KIAA1328: variants seen among roughly 807,000 people sequenced by gnomAD.
The protein encoded by KIAA1328 is KIAA1328.
In KIAA1328, 52 loss-of-function variants were observed where a neutral mutation model predicts 68.1. The observed-to-expected ratio is 0.76, with a 90% CI of 0.61 to 0.96. The LOEUF (loss-of-function observed/expected upper bound fraction) is 0.96. KIAA1328 is among the 40% of genes least tolerant of loss of function. KIAA1328 has a pLI of 0.00. For synonymous variants in KIAA1328, 232 were observed against 239.4 expected (o/e 0.97, Z 0.28); for missense variants, 641 against 677.6 (o/e 0.95, Z 0.60).
intron 6 of KIAA1328, among the ~76,000 whole-genome samples, chr18:37,026,267 A>T (rs553651660): frequency 6.6e-6 from 1 of 152,310 alleles, no homozygotes; most frequent in African/African-American, 2.4e-5. Context: ...GACCAGATGG[A>T]TTCACAGCCA....
chr18:37,074,617 T>A (rs577270716), intron 7 of KIAA1328: 1 of 152,294 alleles, frequency 6.6e-6, no homozygotes, highest in Non-Finnish European at 1.5e-5. Flanking sequence ...GTTCACGTAG[T>A]TCTTGAGTCT....
At chr18:37,185,204 G>A (rs2059773181) in intron 9 of KIAA1328, among the ~76,000 whole-genome samples, 1 of 151,862 alleles carries the variant, frequency 6.6e-6, no homozygotes, top group Non-Finnish European at 1.5e-5. Context: ...GTGCTGGTCA[G>A]TAGTTTAGAG....
intron 8 of KIAA1328, among the ~76,000 whole-genome samples, chr18:37,162,233 T>G (rs533459450): frequency 6.6e-6 from 1 of 152,130 alleles, no homozygotes; most frequent in South Asian, 2.1e-4. Context: ...CCATTAGGTT[T>G]TTTTTCCCCT....
chr18:37,044,354 A>T (rs1345307388), intron 6 of KIAA1328, among the ~76,000 whole-genome samples: 2 of 152,040 alleles, frequency 1.3e-5, no homozygotes, highest in African/African-American at 4.8e-5. Flanking sequence ...CTTTATTGGG[A>T]GTTGGAGCTG....
Position 36,924,202 on chromosome 18 carries a change from A to G in KIAA1328, c.449-35106A>G, listed in dbSNP as rs1357870877. Reference sequence around the variant, plus strand: ...GATTTTGAGTATAATATTTTGGAATATTATACTCAATATAATGTTTTGAAA... The same window carrying G: ...GATTTTGAGTATAATATTTTGGAATGTTATACTCAATATAATGTTTTGAAA... On this transcript the variant is annotated intron_variant, in intron 5 of 9. Transcript: ENST00000280020. 2.0e-5 allele frequency among the ~76,000 whole-genome samples: 3 copies of G among 152,152 alleles called. No homozygotes were observed. The East Asian group carries it at 5.8e-4, about 29-fold the overall frequency.
chr18:36,959,585 T>TC (rs1287630565), intron 6 of KIAA1328, 150 bp downstream of exon 6: 8 of 832,178 alleles, frequency 9.6e-6, no homozygotes, highest in Non-Finnish European at 1.5e-5. Flanking sequence ...TGTCTTTCCC[T>TC]CCCCCTTTCC....
chr18:36,969,194 T>C (rs548853336), intron 6 of KIAA1328, among the ~76,000 whole-genome samples: 1 of 152,042 alleles, frequency 6.6e-6, no homozygotes, highest in African/African-American at 2.4e-5. Flanking sequence ...TAGAAAGACC[T>C]CAGATTAACA....
At chr18:37,166,068 T>C (rs1239501039) in intron 8 of KIAA1328, among the ~76,000 whole-genome samples, 1 of 150,048 alleles carries the variant, frequency 6.7e-6, no homozygotes, top group African/African-American at 2.5e-5. Flanking sequence ...AATGACCTTG[T>C]CAGCTTTGGG....
intron 7 of KIAA1328, among the ~76,000 whole-genome samples, chr18:37,076,447 T>A (rs1379677033): frequency 6.6e-6 from 1 of 151,534 alleles, no homozygotes; most frequent in Non-Finnish European, 1.5e-5. Context: ...AGCAAACACA[T>A]TCAAAAGCTA....
In KIAA1328 at chr18:36,885,685, A is replaced by G; in HGVS notation, c.448+13A>G. On this transcript the variant is annotated intron_variant, in intron 5 of 9. Coordinates refer to ENST00000280020, the MANE Select transcript of KIAA1328 (RefSeq NM_020776.3). ...AAAGAAAGGGAAGATATCCTTTTGA[A>G]AGTTCTCTTTTTTAACGTTCAAGAA... is the stretch of plus-strand genomic sequence containing the variant. The G allele has an allele frequency of 2.7e-6, 4 of 1,474,314 alleles. No homozygotes were observed. Among genetic ancestry groups the G allele is most frequent in the Non-Finnish European group, 3.7e-6 (4 of 1,082,032 alleles). The allele number at this position is 1,474,314 out of a possible 1,614,324, so 91.3% of individuals were successfully genotyped here. A position where few individuals can be genotyped will look rare whatever the true frequency, so the allele number is the denominator to read the frequency against.
chr18:37,143,946 G>A (rs1005247419), intron 7 of KIAA1328, among the ~76,000 whole-genome samples: 12 of 151,992 alleles, frequency 7.9e-5, no homozygotes, highest in South Asian at 2.1e-4. Context: ...AACAAAATAC[G>A]TTGCAAAGTA....
chr18:37,077,618 A>T (rs2056788914), intron 7 of KIAA1328, among the ~76,000 whole-genome samples: 1 of 151,834 alleles, frequency 6.6e-6, no homozygotes, highest in Admixed American at 6.6e-5. Flanking sequence ...TAAGCTGATA[A>T]GCAACTTCAG....
intron 5 of KIAA1328, among the ~76,000 whole-genome samples, chr18:36,920,780 A>T (rs2049889530): frequency 6.6e-6 from 1 of 151,832 alleles, no homozygotes. Flanking sequence ...GTTTTTTTTC[A>T]TTGGCCACAG....
chr18:37,172,341 T>C (rs987457922), intron 8 of KIAA1328, among the ~76,000 whole-genome samples: 5 of 152,208 alleles, frequency 3.3e-5, no homozygotes, highest in African/African-American at 4.8e-5. Flanking sequence ...GTCCATACCA[T>C]CTTTTTATTT....
Position 37,222,793 on chromosome 18 carries a change from C to T in KIAA1328, c.*566C>T. On this transcript the variant is annotated 3_prime_UTR_variant, in exon 10 of 10. Transcript: ENST00000280020. The stretch of plus-strand genomic sequence containing the variant: ...ACGAGAGCCAATTGTGAGTCAGTCT[C>T]AGTAGCCATCAGCCTGGCAGCTGCC... 1.0e-6 allele frequency: 1 copy of T among 992,788 alleles called. No individual in the cohort carries two copies. The highest frequency in any genetic ancestry group is 1.2e-6 in the Non-Finnish European group (1 of 834,910). 61.5% of individuals were successfully genotyped at this position (992,788 alleles called of 1,614,324 possible).
At chr18:37,094,977 A>G (rs919539424) in intron 7 of KIAA1328, among the ~76,000 whole-genome samples, 1 of 152,038 alleles carries the variant, frequency 6.6e-6, no homozygotes, top group African/African-American at 2.4e-5. Context: ...ATCAAAAGAG[A>G]AAAACAAGGT....
intron 4 of KIAA1328, among the ~76,000 whole-genome samples, chr18:36,879,044 G>T (rs9748404): frequency 0.014 from 2,152 of 152,220 alleles, 47 homozygotes; most frequent in African/African-American, 0.05. Context: ...TTCTTTGTCC[G>T]GTTTTGTTGC....
intron 5 of KIAA1328, among the ~76,000 whole-genome samples, chr18:36,934,417 G>A (rs911820831): frequency 4.6e-5 from 7 of 151,806 alleles, no homozygotes; most frequent in East Asian, 1.9e-4. Context: ...CCATTAACTC[G>A]TCATTTAGCA....
At chr18:36,831,590 C>G (rs1207576061) in intron 1 of KIAA1328, among the ~76,000 whole-genome samples, 1 of 152,138 alleles carries the variant, frequency 6.6e-6, no homozygotes, top group Non-Finnish European at 1.5e-5. Context: ...ATATCATGGA[C>G]TTGATATTAA....
Sources: gnomAD v4.1 joint callset for allele counts (sites outside exome capture counted in the v4.1 genomes callset) on GRCh38, gnomAD v4.1.1 for gene constraint, MANE v1.5 for transcripts, NCBI Gene and HGNC (gene_info 2026-07-23, HGNC 2026-07-21) for gene names.